KAZN: variants seen among roughly 807,000 people sequenced by gnomAD.
KAZN encodes the protein kazrin.
KAZN carries 40 observed loss-of-function variants against 87.4 expected under a neutral mutation model. That is an observed-to-expected ratio of 0.46 (90% confidence interval 0.36 to 0.60). KAZN has a LOEUF of 0.60. Among genes scored for constraint, KAZN ranks in the 20% least tolerant of loss-of-function variants. The pLI, the probability that KAZN is intolerant of heterozygous loss-of-function variation, is 0.00. For missense variants in KAZN, 898 were observed against 1,073.9 expected, an observed-to-expected ratio of 0.84 and a Z score of 2.29; for synonymous variants, 466 against 458.3, an observed-to-expected ratio of 1.02 and a Z score of -0.22.
intron 2 of KAZN, among the ~76,000 whole-genome samples, chr1:14,220,462 G>A (rs565092669): frequency 1.3e-5 from 2 of 152,206 alleles, no homozygotes; most frequent in East Asian, 1.9e-4. Flanking sequence ...TCTCTGTGTC[G>A]AGAGGACTTA....
chr1:15,065,849 T>A, intron 8 of KAZN, 96 bp downstream of exon 8: 3 of 1,569,038 alleles, frequency 1.9e-6, no homozygotes, highest in Non-Finnish European at 2.6e-6. Context: ...CGTGTGGGCG[T>A]GTGTGCAAGC....
At chr1:14,236,532 C>T (rs1307269633) in intron 2 of KAZN, among the ~76,000 whole-genome samples, 5 of 152,146 alleles carry the variant, frequency 3.3e-5, no homozygotes, top group African/African-American at 1.2e-4. Flanking sequence ...AGGAACAGAC[C>T]AGAGCAAAGC....
At chr1:14,359,560 G>A (rs1659327440) in intron 2 of KAZN, among the ~76,000 whole-genome samples, 2 of 152,156 alleles carry the variant, frequency 1.3e-5, no homozygotes, top group Admixed American at 1.3e-4. Context: ...GCACGTTTTT[G>A]CAGTGGCTGG....
upstream of KAZN, among the ~76,000 whole-genome samples, chr1:14,596,612 C>G (rs980129205): frequency 1.3e-5 from 2 of 152,198 alleles, no homozygotes; most frequent in African/African-American, 4.8e-5. Context: ...CTCATTCTTC[C>G]CTCCCCACAG....
At chr1:14,830,736 GGGGGAT>G (rs1428871123) in intron 1 of KAZN, among the ~76,000 whole-genome samples, 5 of 152,168 alleles carry the variant, frequency 3.3e-5, no homozygotes, top group Admixed American at 6.5e-5. Flanking sequence ...GACAGCACCA[GGGGGAT>G]GGTGCCAAAC....
Position 14,234,411 on chromosome 1 carries a change from G to GC in KAZN, c.249+53819_249+53820insC, listed in dbSNP as rs370933255. Among the ~76,000 whole-genome samples, 1,403 of 152,070 alleles carry GC rather than the reference G, an allele frequency of 9.2e-3. 27 individuals are homozygous for GC. Among genetic ancestry groups the GC allele is most frequent in the African/African-American group, 0.032 (1,324 of 41,464 alleles). On this transcript the variant is annotated intron_variant, in intron 2 of 16. Coordinates refer to the KAZN transcript ENST00000636203. ...ACACACCGGGGCCTGTTAGGGGATG[G>GC]GGGGCTAGGGGTGGGATAGCATTAG...
intron 2 of KAZN, among the ~76,000 whole-genome samples, chr1:14,328,839 GA>G (rs1656638080): frequency 6.8e-6 from 1 of 146,030 alleles, no homozygotes; most frequent in African/African-American, 2.5e-5. Flanking sequence ...ATTCCTGTAT[GA>G]CTGTACCTCC....
intron 1 of KAZN, among the ~76,000 whole-genome samples, chr1:14,919,848 T>G (rs1227938270): frequency 2.0e-5 from 3 of 152,206 alleles, no homozygotes; most frequent in Admixed American, 2.0e-4. Context: ...TCTACAGTAT[T>G]CAGTACAGTG....
chr1:14,420,317 A>G (rs1205446590), intron 2 of KAZN, among the ~76,000 whole-genome samples: 1 of 152,146 alleles, frequency 6.6e-6, no homozygotes, highest in Non-Finnish European at 1.5e-5. Flanking sequence ...GTGCACCCAC[A>G]AACCTTGAGC....
chr1:14,359,177 C>T (rs112875383), intron 2 of KAZN, among the ~76,000 whole-genome samples: 213 of 152,220 alleles, frequency 1.4e-3, no homozygotes, highest in African/African-American at 4.7e-3. Flanking sequence ...CAATATCTAA[C>T]GTCCTTCTTC....
At chr1:14,779,442 C>A (rs756763791) in intron 1 of KAZN, among the ~76,000 whole-genome samples, 1 of 152,190 alleles carries the variant, frequency 6.6e-6, no homozygotes, top group African/African-American at 2.4e-5. Context: ...CCTTCCCCGG[C>A]CTTTGCACGT....
At chr1:13,920,672 A>C (rs1640032010) in intron 1 of KAZN, among the ~76,000 whole-genome samples, 1 of 152,044 alleles carries the variant, frequency 6.6e-6, no homozygotes, top group Admixed American at 6.6e-5. Flanking sequence ...GCAGGCTCAG[A>C]ATGTTTCTGT....
intron 1 of KAZN, among the ~76,000 whole-genome samples, chr1:13,974,949 G>A (rs544844164): frequency 6.6e-6 from 1 of 152,114 alleles, no homozygotes; most frequent in Non-Finnish European, 1.5e-5. Context: ...AGTGTAATTT[G>A]CTATCAGATG....
chr1:15,094,992 G>A lies in KAZN; in HGVS notation c.1547+59G>A. 1 of 1,214,534 alleles carries A rather than the reference G, an allele frequency of 8.2e-7. No homozygotes were observed. Among genetic ancestry groups the A allele is most frequent in the Non-Finnish European group, 1.2e-6 (1 of 846,994 alleles). The allele number at this position is 1,214,534 out of a possible 1,614,324, so 75.2% of individuals were successfully genotyped here. A position where few individuals can be genotyped will look rare whatever the true frequency, so the allele number is the denominator to read the frequency against. ...AGAAAAAGTCATCCTGAGGCCTTTG[G>A]TCACACAGGTGGGGTGAGCGGGGCA... On this transcript the variant is annotated intron_variant, in intron 10 of 14. Transcript: ENST00000376030. This position sits in a 1 kb window ranked among gnomAD's most constrained non-coding sequence, Gnocchi z 4.5.
chr1:14,427,432 GT>G (rs1665792884), intron 2 of KAZN, among the ~76,000 whole-genome samples: 1 of 152,096 alleles, frequency 6.6e-6, no homozygotes, highest in South Asian at 2.1e-4. Context: ...TATTGTAATT[GT>G]TTTTTGTAGA....
At chr1:14,368,679 T>C (rs1660212037) in intron 2 of KAZN, among the ~76,000 whole-genome samples, 1 of 152,214 alleles carries the variant, frequency 6.6e-6, no homozygotes. Context: ...TGTTGGCTCC[T>C]TGGAGTTCTT....
At chr1:14,716,472 G>A (rs867384838) in intron 1 of KAZN, among the ~76,000 whole-genome samples, 1 of 151,856 alleles carries the variant, frequency 6.6e-6, no homozygotes, top group Non-Finnish European at 1.5e-5. Context: ...GTTTCATTCC[G>A]TTCCCACTGC....
intron 1 of KAZN, among the ~76,000 whole-genome samples, chr1:13,944,327 T>A (rs1327110312): frequency 1.3e-5 from 2 of 152,102 alleles, no homozygotes; most frequent in Non-Finnish European, 2.9e-5. Flanking sequence ...AAAGGCAAAT[T>A]TATAGAAACA....
intron 1 of KAZN, among the ~76,000 whole-genome samples, chr1:14,625,002 C>T (rs1679020160): frequency 6.6e-6 from 1 of 151,960 alleles, no homozygotes; most frequent in Non-Finnish European, 1.5e-5. Flanking sequence ...AATTAAGTAT[C>T]CCAGATAAAT....
Sources: allele counts gnomAD v4.1 joint callset (sites outside exome capture counted in the v4.1 genomes callset), GRCh38; gene constraint gnomAD v4.1.1; non-coding constraint Gnocchi (gnomAD v3.1); transcripts MANE v1.5; gene names NCBI Gene and HGNC (gene_info 2026-07-23, HGNC 2026-07-21).